Variants in CTNNA3 observed in about 807,000 individuals in gnomAD.
CTNNA3 encodes the protein catenin alpha-3.
A neutral mutation model predicts 95.7 loss-of-function variants in CTNNA3; 76 were observed. That is an observed-to-expected ratio of 0.79 (90% CI 0.66 to 0.96). The LOEUF is 0.96. Ranked by LOEUF, CTNNA3 falls within the 40% of genes least tolerant of loss-of-function variation. CTNNA3 has a pLI of 0.00. For synonymous variants in CTNNA3, 431 were observed against 374.4 expected, an observed-to-expected ratio of 1.15 and a Z score of -1.74; for missense variants, 1,191 against 1,089.8, an observed-to-expected ratio of 1.09 and a Z score of -1.31.
At chr10:66,391,261 T>C (rs1348057945) in intron 11 of CTNNA3, among the ~76,000 whole-genome samples, 6 of 147,960 alleles carry the variant, frequency 4.1e-5, no homozygotes, top group Admixed American at 1.3e-4. Context: ...ACAATACTTA[T>C]ACAAACTCTG....
chr10:66,627,514 A>G (rs1023146067), intron 9 of CTNNA3, among the ~76,000 whole-genome samples: 3 of 152,136 alleles, frequency 2.0e-5, no homozygotes, highest in African/African-American at 7.2e-5. Context: ...TTTCCTTTGC[A>G]TACAACCAGA....
At chr10:66,467,130 C>T (rs1838949752) in intron 11 of CTNNA3, among the ~76,000 whole-genome samples, 1 of 152,048 alleles carries the variant, frequency 6.6e-6, no homozygotes, top group Non-Finnish European at 1.5e-5. Flanking sequence ...CATTCTTTAT[C>T]AACTCTATGT....
intron 7 of CTNNA3, chr10:67,098,240 T>C (rs1858132485): frequency 6.3e-6 from 1 of 158,492 alleles, no homozygotes; most frequent in African/African-American, 2.4e-5. Context: ...TCTTGTGTTA[T>C]TCAGAGTTAC....
intron 13 of CTNNA3, among the ~76,000 whole-genome samples, chr10:66,248,928 G>A (rs1004549567): frequency 1.3e-5 from 2 of 152,008 alleles, no homozygotes; most frequent in Non-Finnish European, 2.9e-5. Flanking sequence ...AACCAAAATA[G>A]CAAGGTGCTG....
intron 7 of CTNNA3, among the ~76,000 whole-genome samples, chr10:67,003,139 C>T (rs1472017855): frequency 3.9e-5 from 6 of 152,112 alleles, no homozygotes; most frequent in African/African-American, 1.2e-4. Flanking sequence ...CTATGCATCC[C>T]GCCACAGTGA....
intron 9 of CTNNA3, among the ~76,000 whole-genome samples, chr10:66,701,161 T>C (rs12414771): frequency 0.17 from 26,239 of 152,082 alleles, 2,810 homozygotes; most frequent in East Asian, 0.34. Context: ...TTTGGTTGAG[T>C]ATCAGTTGTC....
intron 7 of CTNNA3, chr10:67,097,808 G>T (rs367797236): frequency 6.2e-7 from 1 of 1,610,954 alleles, no homozygotes; most frequent in Non-Finnish European, 8.5e-7. Context: ...TGAGATCATT[G>T]GTAGCCAGGG....
chr10:67,582,706 A>C (rs1842450766), intron 3 of CTNNA3, among the ~76,000 whole-genome samples: 1 of 151,808 alleles, frequency 6.6e-6, no homozygotes, highest in South Asian at 2.1e-4. Flanking sequence ...GTCTCTTTGT[A>C]GGTCTCTAAG....
chr10:66,572,299 C>A (rs1332287463), intron 10 of CTNNA3, among the ~76,000 whole-genome samples: 1 of 151,750 alleles, frequency 6.6e-6, no homozygotes, highest in Admixed American at 6.6e-5. Context: ...AGGAGAATCG[C>A]TTAAACCCGG....
At chr10:66,967,135 T>C (rs1213608749) in intron 7 of CTNNA3, among the ~76,000 whole-genome samples, 2 of 151,988 alleles carry the variant, frequency 1.3e-5, no homozygotes, top group African/African-American at 2.4e-5. Context: ...ACAATGGTTA[T>C]AGCAAAAAAT....
At chr10:66,541,770 C>A (rs1841860186) in intron 10 of CTNNA3, among the ~76,000 whole-genome samples, 1 of 152,118 alleles carries the variant, frequency 6.6e-6, no homozygotes, top group African/African-American at 2.4e-5. Context: ...CCTTACTACT[C>A]AGTGGATTCT....
chr10:67,752,204 CA>C (rs1289133811), intron 1 of CTNNA3, among the ~76,000 whole-genome samples: 1 of 152,174 alleles, frequency 6.6e-6, no homozygotes. Context: ...ATCACATAAA[CA>C]GAACTAAAGA....
chr10:67,008,742 G>A (rs989444844), intron 7 of CTNNA3, among the ~76,000 whole-genome samples: 1 of 152,060 alleles, frequency 6.6e-6, no homozygotes, highest in Non-Finnish European at 1.5e-5. Context: ...GGCTAGCTCA[G>A]GCATATTCAC....
chr10:67,217,059 T>G (rs4142750), intron 6 of CTNNA3, among the ~76,000 whole-genome samples: 1 of 152,046 alleles, frequency 6.6e-6, no homozygotes, highest in African/African-American at 2.4e-5. Context: ...AGGGCCAGAA[T>G]GAAAAATTTA....
chr10:66,208,752 C>T (rs1399090866), intron 13 of CTNNA3, among the ~76,000 whole-genome samples: 2 of 151,918 alleles, frequency 1.3e-5, no homozygotes, highest in South Asian at 2.1e-4. Flanking sequence ...TTAAACATGA[C>T]GACCACCACC....
intron 7 of CTNNA3, among the ~76,000 whole-genome samples, chr10:66,894,879 A>G (rs1007478144): frequency 1.3e-5 from 2 of 151,768 alleles, no homozygotes; most frequent in African/African-American, 4.8e-5. Flanking sequence ...GTCTTTGTAG[A>G]TACTAATACT....
At chr10:67,506,837 G>C (rs1015064973) in intron 5 of CTNNA3, among the ~76,000 whole-genome samples, 5 of 152,166 alleles carry the variant, frequency 3.3e-5, no homozygotes, top group Admixed American at 6.5e-5. Flanking sequence ...TAGTAAATAT[G>C]TGACTAAGCT....
chr10:66,130,390 G>A (rs181774281), intron 13 of CTNNA3, among the ~76,000 whole-genome samples: 76 of 147,644 alleles, frequency 5.1e-4, no homozygotes, highest in African/African-American at 1.8e-3. Flanking sequence ...ACTGAGACAC[G>A]AAAAACCATT....
intron 5 of CTNNA3, among the ~76,000 whole-genome samples, chr10:67,320,159 C>G (rs2132549700): frequency 1.3e-5 from 2 of 152,192 alleles, no homozygotes; most frequent in South Asian, 4.1e-4. Context: ...TTGGGAAAGC[C>G]TCTTAAAGCC....
Sources: allele counts gnomAD v4.1 joint callset (sites outside exome capture counted in the v4.1 genomes callset), GRCh38; gene constraint gnomAD v4.1.1; transcripts MANE v1.5; gene names NCBI Gene and HGNC (gene_info 2026-07-23, HGNC 2026-07-21).